Variants in PCDH7 observed in about 807,000 individuals in gnomAD.
PCDH7 encodes protocadherin 7, also known as protocadherin-7.
Under a neutral mutation model 58.9 loss-of-function variants are expected in PCDH7, and 17 were observed. The ratio of observed to expected loss-of-function variants is 0.29; its 90% CI spans 0.20 to 0.43. PCDH7 has a LOEUF of 0.43. Among genes scored for constraint, PCDH7 ranks in the 20% least tolerant of loss-of-function variants. PCDH7 has a pLI of 1.00. For missense variants in PCDH7, 1,274 were observed against 1,441.0 expected (o/e 0.88, Z 1.88); for synonymous variants, 664 against 616.4 (o/e 1.08, Z -1.14).
At position 30,932,487 on chromosome 4, in the gene PCDH7, C is replaced by T. The variant is rs186761308; in HGVS notation, c.287+12118C>T. On this transcript the variant is annotated intron_variant, in intron 2 of 3. Coordinates refer to the PCDH7 transcript ENST00000509759. ...TAGGAGTTATGTATAAGCACTATAT[C>T]GATAAAAAGTCTTCCAGTTCAAGAT... Among the ~76,000 whole-genome samples, 156 of 152,200 alleles carry T rather than the reference C, an allele frequency of 1.0e-3. 5 individuals carry two copies. The South Asian group carries it at 0.03, about 29-fold the overall frequency.
At chr4:30,898,747 C>G (rs34625421) in intron 1 of PCDH7, among the ~76,000 whole-genome samples, 16 of 152,100 alleles carry the variant, frequency 1.1e-4, no homozygotes, top group South Asian at 1.0e-3. Flanking sequence ...CCCGCCACCA[C>G]GCCCGGCTAA....
At chr4:30,907,588 A>C (rs556127798) in intron 1 of PCDH7, among the ~76,000 whole-genome samples, 50 of 152,328 alleles carry the variant, frequency 3.3e-4, no homozygotes, top group African/African-American at 1.1e-3. Flanking sequence ...ATCATTAAAA[A>C]GTCAGGAAAC....
chr4:30,792,064 A>G (rs1358254735), intron 1 of PCDH7, among the ~76,000 whole-genome samples: 1 of 152,200 alleles, frequency 6.6e-6, no homozygotes, highest in Non-Finnish European at 1.5e-5. Flanking sequence ...TGCTGTGTTT[A>G]TTAAGTGATA....
At chr4:31,015,641 T>C (rs1250314505) in intron 3 of PCDH7, among the ~76,000 whole-genome samples, 1 of 152,188 alleles carries the variant, frequency 6.6e-6, no homozygotes, top group African/African-American at 2.4e-5. Flanking sequence ...CATAAGCCTT[T>C]ACCCATGTCT....
At position 30,722,268 on chromosome 4, in the gene PCDH7, C is replaced by A. The variant is rs372908759; in HGVS notation, c.846C>A (p.Asp282Glu). The A allele has an allele frequency of 1.3e-6, 2 of 1,595,458 alleles. No individual in the cohort carries two copies. Among genetic ancestry groups the A allele is most frequent in the Admixed American group, 3.5e-5 (2 of 56,966 alleles). ...ACGAGCTGACCCTGCGAGTGCGCGA[C>A]GGCGGCGACCCGCCTCGCTCCTCGC... The change falls in exon 1 of 2, where the codon GAC (aspartate) becomes GAA (glutamate). Residue 282 changes from aspartate (D) to glutamate (E), a missense_variant. Physicochemically the swap from Asp to Glu is conservative, Grantham distance 45. This residue lies in a region of PCDH7 where 331 missense variants were observed against 303.2 expected (regional missense o/e 1.09). Coordinates refer to ENST00000361762, the Ensembl canonical transcript of PCDH7. The surrounding 1 kb of genome is among the most constrained non-coding windows in gnomAD (Gnocchi z 7.6).
At chr4:30,774,105 T>C (rs1351855512) in intron 1 of PCDH7, among the ~76,000 whole-genome samples, 1 of 152,178 alleles carries the variant, frequency 6.6e-6, no homozygotes, top group African/African-American at 2.4e-5. Context: ...TTAATAGGAT[T>C]GCTTTCTGAC....
intron 1 of PCDH7, among the ~76,000 whole-genome samples, chr4:30,833,821 T>C (rs1730121205): frequency 6.6e-6 from 1 of 152,190 alleles, no homozygotes; most frequent in African/African-American, 2.4e-5. Context: ...ATTACGCAGA[T>C]AATCAAATGG....
rs201441603 is a variant in PCDH7 at position 31,097,506 on chromosome 4, A to G, written c.*8-44967A>G. 5.2e-4 allele frequency among the ~76,000 whole-genome samples: 41 copies of G among 79,514 alleles called. No homozygotes were observed. The East Asian group carries it at 6.2e-3, about 12-fold the overall frequency. The allele number at this position is 79,514 out of a possible 152,430, so 52.2% of individuals were successfully genotyped here. On this transcript the variant is annotated intron_variant, in intron 3 of 3. Transcript: ENST00000509759. Reference sequence around the variant, plus strand: ...GAAGAAAGAAAAAAAGAAAGAAAGAAAGAGAGAAAGAAAGAAGAAAGAAAG... The same window carrying G: ...GAAGAAAGAAAAAAAGAAAGAAAGAGAGAGAGAAAGAAAGAAGAAAGAAAG...
At chr4:30,735,075 G>A (rs545749940), downstream of PCDH7, among the ~76,000 whole-genome samples, 111 of 152,088 alleles carry the variant, frequency 7.3e-4, no homozygotes, top group African/African-American at 2.5e-3. Flanking sequence ...TCAAGCAAAT[G>A]TTTGAGGCAA....
At chr4:31,040,637 G>A (rs1755785248) in intron 3 of PCDH7, among the ~76,000 whole-genome samples, 1 of 152,124 alleles carries the variant, frequency 6.6e-6, no homozygotes. Flanking sequence ...AAGTAAAAAT[G>A]AAGCAAAAAT....
chr4:31,013,832 A>G (rs1251019372), intron 3 of PCDH7, among the ~76,000 whole-genome samples: 1 of 152,148 alleles, frequency 6.6e-6, no homozygotes, highest in Non-Finnish European at 1.5e-5. Context: ...GATTTAAAAA[A>G]TGTTCCTGTC....
chr4:30,896,684 A>G (rs989452373), intron 1 of PCDH7, among the ~76,000 whole-genome samples: 1 of 152,020 alleles, frequency 6.6e-6, no homozygotes, highest in Non-Finnish European at 1.5e-5. Context: ...GAATTTTTAA[A>G]TAAAATTTTA....
At chr4:30,742,347 C>T (rs920050223) in intron 1 of PCDH7, among the ~76,000 whole-genome samples, 5 of 152,084 alleles carry the variant, frequency 3.3e-5, no homozygotes, top group African/African-American at 4.8e-5. Flanking sequence ...TAGATGAAGG[C>T]ACACCCTGGA....
At chr4:31,104,892 C>A (rs191307436) in intron 3 of PCDH7, among the ~76,000 whole-genome samples, 1 of 152,276 alleles carries the variant, frequency 6.6e-6, no homozygotes, top group Admixed American at 6.5e-5. Flanking sequence ...GTATGCAAAG[C>A]TGCATTGGTA....
At chr4:31,105,147 T>C (rs1560228779) in intron 3 of PCDH7, among the ~76,000 whole-genome samples, 1 of 152,236 alleles carries the variant, frequency 6.6e-6, no homozygotes, top group Non-Finnish European at 1.5e-5. Context: ...TGAACTGATG[T>C]GTTCATTCTC....
At chr4:31,084,101 G>C (rs2109273814) in intron 3 of PCDH7, among the ~76,000 whole-genome samples, 1 of 152,176 alleles carries the variant, frequency 6.6e-6, no homozygotes, top group Admixed American at 6.5e-5. Context: ...GTATAGTTTT[G>C]ATGCAGATTA....
chr4:31,105,240 T>C (rs1715406380), intron 3 of PCDH7, among the ~76,000 whole-genome samples: 1 of 152,326 alleles, frequency 6.6e-6, no homozygotes, highest in Non-Finnish European at 1.5e-5. Context: ...AAGTCAATTA[T>C]ATAAAATAAC....
At chr4:31,009,713 T>C (rs2109150006) in intron 3 of PCDH7, among the ~76,000 whole-genome samples, 1 of 152,036 alleles carries the variant, frequency 6.6e-6, no homozygotes, top group African/African-American at 2.4e-5. Context: ...GAAATTTATT[T>C]TGGGCTGACT....
chr4:30,915,353 T>A (rs1742309933), intron 1 of PCDH7, among the ~76,000 whole-genome samples: 1 of 152,200 alleles, frequency 6.6e-6, no homozygotes, highest in African/African-American at 2.4e-5. Flanking sequence ...TTAGAGATAC[T>A]GTAGCCACAG....
Sources: gnomAD v4.1 joint callset for allele counts (sites outside exome capture counted in the v4.1 genomes callset) on GRCh38, gnomAD v4.1.1 for gene constraint, gnomAD v4.1.1 regional missense constraint, Gnocchi (gnomAD v3.1) non-coding constraint, MANE v1.5 for transcripts, NCBI Gene and HGNC (gene_info 2026-07-23, HGNC 2026-07-21) for gene names.